LRRC4C: variants seen among roughly 807,000 people sequenced by gnomAD.
LRRC4C encodes leucine rich repeat containing 4C.
Under a neutral mutation model 33.6 loss-of-function variants are expected in LRRC4C, and 5 were observed. The ratio of observed to expected loss-of-function variants is 0.15; its 90% CI spans 0.08 to 0.31. The LOEUF (loss-of-function observed/expected upper bound fraction) is 0.31. Among genes scored for constraint, LRRC4C ranks in the 10% least tolerant of loss-of-function variants. The pLI is 1.00. For missense variants in LRRC4C, 560 were observed against 796.7 expected (o/e 0.70, Z 3.58); for synonymous variants, 329 against 302.0 (o/e 1.09, Z -0.93).
At chr11:40,783,150 G>A (rs1340110548) in intron 2 of LRRC4C, among the ~76,000 whole-genome samples, 1 of 152,056 alleles carries the variant, frequency 6.6e-6, no homozygotes, top group Non-Finnish European at 1.5e-5. Flanking sequence ...ATGCAGCGAA[G>A]TTTGAAATAT....
chr11:40,965,476 T>C (rs1173194556), intron 1 of LRRC4C, among the ~76,000 whole-genome samples: 1 of 152,142 alleles, frequency 6.6e-6, no homozygotes, highest in Non-Finnish European at 1.5e-5. Context: ...TGCTTAGGTT[T>C]TCTTCTAGGG....
At chr11:41,309,683 T>A (rs569985219) in intron 1 of LRRC4C, among the ~76,000 whole-genome samples, 1 of 152,318 alleles carries the variant, frequency 6.6e-6, no homozygotes, top group East Asian at 1.9e-4. Context: ...CTCCCCATTA[T>A]AATCTTCCAC....
At chr11:41,432,024 G>C (rs1341609587) in intron 1 of LRRC4C, among the ~76,000 whole-genome samples, 1 of 152,144 alleles carries the variant, frequency 6.6e-6, no homozygotes, top group East Asian at 1.9e-4. Context: ...GCCAAGAAGG[G>C]TGGTCACCAG....
intron 5 of LRRC4C, among the ~76,000 whole-genome samples, chr11:40,181,981 A>C (rs187602886): frequency 6.6e-6 from 1 of 152,302 alleles, no homozygotes; most frequent in East Asian, 1.9e-4. Context: ...ATGTGAGGAA[A>C]TGTAATTATC....
intron 5 of LRRC4C, among the ~76,000 whole-genome samples, chr11:40,222,552 T>C (rs1864494876): frequency 6.6e-6 from 1 of 152,220 alleles, no homozygotes; most frequent in South Asian, 2.1e-4. Context: ...TGTATTGATG[T>C]GCTATAACAC....
intron 3 of LRRC4C, among the ~76,000 whole-genome samples, chr11:40,402,605 G>A (rs968944004): frequency 3.9e-5 from 6 of 152,062 alleles, no homozygotes; most frequent in African/African-American, 4.8e-5. Flanking sequence ...TTTCTTCATC[G>A]AAATAGATAC....
At chr11:40,917,117 A>G (rs1956994628) in intron 2 of LRRC4C, among the ~76,000 whole-genome samples, 1 of 152,160 alleles carries the variant, frequency 6.6e-6, no homozygotes, top group African/African-American at 2.4e-5. Flanking sequence ...GTTTACTTCA[A>G]TAATATTTAT....
chr11:41,288,235 C>A (rs998716568), intron 1 of LRRC4C, among the ~76,000 whole-genome samples: 1 of 152,210 alleles, frequency 6.6e-6, no homozygotes, highest in African/African-American at 2.4e-5. Flanking sequence ...GCCACTTAGG[C>A]TTGACAGTAC....
At chr11:40,412,817 T>C (rs1445467164) in intron 3 of LRRC4C, among the ~76,000 whole-genome samples, 3 of 152,056 alleles carry the variant, frequency 2.0e-5, no homozygotes, top group African/African-American at 7.2e-5. Context: ...TACTCTAACA[T>C]GGCAATAATA....
At chr11:40,827,685 A>G (rs75479620) in intron 2 of LRRC4C, among the ~76,000 whole-genome samples, 4,765 of 151,788 alleles carry the variant, frequency 0.031, 126 homozygotes, top group Admixed American at 0.085. Flanking sequence ...CATTTTATTT[A>G]TTTTCTCTTG....
At position 40,470,823 on chromosome 11, in the gene LRRC4C, C is replaced by CA. The variant is rs568364793; in HGVS notation, c.-269-151103dup. Among the ~76,000 whole-genome samples, 513 of 151,948 alleles carry CA rather than the reference C, an allele frequency of 3.4e-3. 5 individuals are homozygous for CA. The highest frequency in any genetic ancestry group is 5.2e-3 in the Non-Finnish European group (354 of 67,962). ...AACTTAATGAAATAAAGCATGAAAACAAAATTAGAGAAAAAAGAATGAAAA... is the reference window on the plus strand; with the variant it reads ...AACTTAATGAAATAAAGCATGAAAACAAAAATTAGAGAAAAAAGAATGAAAA... On this transcript the variant is annotated intron_variant, in intron 3 of 6. Coordinates refer to ENST00000528697, the MANE Select transcript of LRRC4C (RefSeq NM_001258419.2).
At chr11:40,894,176 A>C (rs1565177252) in intron 2 of LRRC4C, among the ~76,000 whole-genome samples, 1 of 152,168 alleles carries the variant, frequency 6.6e-6, no homozygotes, top group African/African-American at 2.4e-5. Flanking sequence ...ATTTCACCAT[A>C]AATTCAGTTT....
At chr11:40,642,064 TTG>T (rs955483637) in intron 3 of LRRC4C, among the ~76,000 whole-genome samples, 8 of 151,758 alleles carry the variant, frequency 5.3e-5, no homozygotes, top group Non-Finnish European at 8.8e-5. Flanking sequence ...TTGTTTTTGC[TTG>T]TGTGTCATGG....
At chr11:40,441,666 T>C (rs769236951) in intron 3 of LRRC4C, among the ~76,000 whole-genome samples, 78 of 152,146 alleles carry the variant, frequency 5.1e-4, no homozygotes, top group Non-Finnish European at 7.8e-4. Context: ...CATTTCAAAA[T>C]GGTAGTCTTT....
rs141231052 is a variant in LRRC4C at position 40,907,479 on chromosome 11, G to T, written c.-407+26156C>A. Among the ~76,000 whole-genome samples the T allele has an allele frequency of 1.4e-4, 21 of 152,306 alleles. No individual in the cohort carries two copies. In the East Asian group the frequency reaches 3.1e-3, roughly 22 times the overall value. On this transcript the variant is annotated intron_variant, in intron 2 of 6. Coordinates refer to ENST00000528697, the MANE Select transcript of LRRC4C (RefSeq NM_001258419.2). ...TTGGAGTTCATAGGTTCTTTAATGT[G>T]CACAGCTACTATCTTTCCTTTAGTT...
At chr11:41,305,266 G>A (rs535560477) in intron 1 of LRRC4C, among the ~76,000 whole-genome samples, 3 of 51,652 alleles carry the variant, frequency 5.8e-5, no homozygotes, top group Non-Finnish European at 1.0e-4. Flanking sequence ...CGCCCTCTCC[G>A]GGAGGGAGGT....
chr11:40,518,408 T>G (rs906450455), intron 3 of LRRC4C, among the ~76,000 whole-genome samples: 1 of 151,818 alleles, frequency 6.6e-6, no homozygotes, highest in Non-Finnish European at 1.5e-5. Flanking sequence ...TTAAACAAAT[T>G]TACAAGAAAA....
intron 1 of LRRC4C, among the ~76,000 whole-genome samples, chr11:41,091,040 G>C (rs566177750): frequency 6.6e-6 from 1 of 152,094 alleles, no homozygotes; most frequent in African/African-American, 2.4e-5. Flanking sequence ...AGCAGCTGTT[G>C]CTGAGGATCC....
chr11:41,406,713 CA>C (rs1954252331), intron 1 of LRRC4C, among the ~76,000 whole-genome samples: 1 of 36,524 alleles, frequency 2.7e-5, no homozygotes, highest in Non-Finnish European at 7.1e-5. Flanking sequence ...TCACCACACA[CA>C]CACACACACA....
Sources: gnomAD v4.1 joint callset for allele counts (sites outside exome capture counted in the v4.1 genomes callset) on GRCh38, gnomAD v4.1.1 for gene constraint, MANE v1.5 for transcripts, NCBI Gene and HGNC (gene_info 2026-07-23, HGNC 2026-07-21) for gene names.